The following WWOX variants were observed in gnomAD, a reference collection of about 807,000 sequenced individuals.
The protein encoded by WWOX is WW domain containing oxidoreductase, also known as WW domain-containing oxidoreductase.
A neutral mutation model predicts 46.2 loss-of-function variants in WWOX; 69 were observed. The ratio of observed to expected loss-of-function variants is 1.49; its 90% CI spans 1.23 to 1.82. The LOEUF (loss-of-function observed/expected upper bound fraction) is 1.82. Among genes scored for constraint, WWOX ranks in the 40% most tolerant of loss-of-function variants. The probability of loss-of-function intolerance (pLI) is 0.00; values close to 1 mark genes in which losing one functional copy is unlikely to be tolerated. For missense variants in WWOX, 919 were observed against 542.6 expected, an observed-to-expected ratio of 1.69 and a Z score of -6.89; for synonymous variants, 359 against 202.6, an observed-to-expected ratio of 1.77 and a Z score of -6.56.
Position 78,424,872 on chromosome 16 carries a change from C to G in WWOX, c.608C>G (p.Pro203Arg), listed in dbSNP as rs1405481740. ...FAEAFKAKNV[P>R]LHVLVCNAAT... is the part of the protein sequence containing the mutation. ...ACATGGGATATTTTATTTTTCAGGC[C>G]TCTTCATGTGCTTGTGTGCAACGCA... is the stretch of plus-strand genomic sequence containing the variant. The change falls in exon 7 of 9, where the codon CCT becomes CGT. Residue 203 changes from proline to arginine, a missense_variant and splice_region_variant. Coordinates refer to ENST00000566780, the MANE Select transcript of WWOX (RefSeq NM_016373.4). The G allele has an allele frequency of 6.2e-7, 1 of 1,614,030 alleles. No individual in the cohort carries two copies. Among genetic ancestry groups the G allele is most frequent in the Non-Finnish European group, 8.5e-7 (1 of 1,180,014 alleles).
intron 8 of WWOX, among the ~76,000 whole-genome samples, chr16:78,763,000 G>C (rs1236292442): frequency 6.6e-6 from 1 of 152,178 alleles, no homozygotes; most frequent in Non-Finnish European, 1.5e-5. Context: ...ATGAGCAATA[G>C]ATCTCCATAT....
intron 8 of WWOX, among the ~76,000 whole-genome samples, chr16:79,186,477 C>T (rs1239274614): frequency 6.6e-6 from 1 of 152,232 alleles, no homozygotes; most frequent in African/African-American, 2.4e-5. Flanking sequence ...GTTTCTGGAT[C>T]TCTTCTCCTT....
intron 8 of WWOX, among the ~76,000 whole-genome samples, chr16:78,637,582 TC>T (rs1424520872): frequency 6.6e-6 from 1 of 152,136 alleles, no homozygotes; most frequent in Non-Finnish European, 1.5e-5. Context: ...TTCTACTACA[TC>T]CCCTTTCCTT....
chr16:78,491,656 AAG>A (rs1296928168), intron 8 of WWOX, among the ~76,000 whole-genome samples: 1 of 152,084 alleles, frequency 6.6e-6, no homozygotes, highest in Non-Finnish European at 1.5e-5. Flanking sequence ...TGCAGTATAT[AAG>A]AGGGTGCATT....
intron 7 of WWOX, among the ~76,000 whole-genome samples, chr16:78,428,395 G>T (rs376027096): frequency 2.0e-5 from 3 of 152,224 alleles, no homozygotes; most frequent in Admixed American, 1.3e-4. Flanking sequence ...AGGACTGTCA[G>T]TGCTAGCTAA....
chr16:78,423,351 A>G (rs1047580634), intron 6 of WWOX, among the ~76,000 whole-genome samples: 1 of 152,136 alleles, frequency 6.6e-6, no homozygotes, highest in Non-Finnish European at 1.5e-5. Context: ...ATAGTATTCT[A>G]TCATATGGAT....
intron 5 of WWOX, among the ~76,000 whole-genome samples, chr16:78,274,198 C>T (rs1352316070): frequency 6.6e-6 from 1 of 152,098 alleles, no homozygotes; most frequent in African/African-American, 2.4e-5. Flanking sequence ...TTGCAATGAA[C>T]TCCCCATTTC....
intron 8 of WWOX, among the ~76,000 whole-genome samples, chr16:78,632,215 T>G (rs1245511714): frequency 6.6e-6 from 1 of 152,164 alleles, no homozygotes; most frequent in Non-Finnish European, 1.5e-5. Context: ...TCTGAGCTGT[T>G]TTTATATCTG....
chr16:78,319,880 T>C (rs1023193633), intron 5 of WWOX, among the ~76,000 whole-genome samples: 9 of 152,294 alleles, frequency 5.9e-5, no homozygotes, highest in African/African-American at 2.2e-4. Context: ...CTTTTCTGCC[T>C]GGGAGGCACT....
At chr16:79,027,273 C>A (rs2047664394) in intron 8 of WWOX, among the ~76,000 whole-genome samples, 2 of 84,580 alleles carry the variant, frequency 2.4e-5, no homozygotes, top group South Asian at 9.8e-4. Context: ...GAGAAAGACT[C>A]CATCTCAAAA....
intron 5 of WWOX, among the ~76,000 whole-genome samples, chr16:78,309,987 A>G (rs771311025): frequency 2.0e-5 from 3 of 152,120 alleles, no homozygotes; most frequent in African/African-American, 4.8e-5. Flanking sequence ...CTGGGCATTA[A>G]TACGCATTTA....
chr16:78,882,115 G>A (rs115112098), intron 8 of WWOX, among the ~76,000 whole-genome samples: 2,452 of 152,276 alleles, frequency 0.016, 65 homozygotes, highest in African/African-American at 0.056. Context: ...GACAGAGCAA[G>A]AGTCCATTTA....
intron 8 of WWOX, among the ~76,000 whole-genome samples, chr16:78,547,127 GAAAAAA>G (rs199726097): frequency 2.6e-4 from 23 of 87,502 alleles, no homozygotes; most frequent in African/African-American, 8.2e-4. Context: ...CCTTGTCTCA[GAAAAAA>G]AAAAAAAAAA....
At position 79,139,733 on chromosome 16, in the gene WWOX, A is replaced by G. The variant is rs547495427; in HGVS notation, c.1057-71875A>G. Among the ~76,000 whole-genome samples, 34 of 152,260 alleles carry G rather than the reference A, an allele frequency of 2.2e-4. No individual in the cohort carries two copies. In the Middle Eastern group the frequency reaches 0.014, roughly 61 times the overall value. ...ATGAAAGCTGACTTTCACCAGAATG[A>G]TTTATATGCATCATGGGCAGAGGGG... is the stretch of plus-strand genomic sequence containing the variant. On this transcript the variant is annotated intron_variant, in intron 8 of 8. Coordinates refer to ENST00000566780, the MANE Select transcript of WWOX (RefSeq NM_016373.4).
At chr16:78,344,210 G>A (rs1221959686) in intron 5 of WWOX, among the ~76,000 whole-genome samples, 1 of 120,222 alleles carries the variant, frequency 8.3e-6, no homozygotes, top group South Asian at 2.5e-4. Context: ...GTGAATGGCA[G>A]CGTTTTGACA....
chr16:78,243,124 T>C (rs1313130261), intron 5 of WWOX, among the ~76,000 whole-genome samples: 1 of 152,194 alleles, frequency 6.6e-6, no homozygotes, highest in Non-Finnish European at 1.5e-5. Context: ...TCTTGCATTT[T>C]AAAGTTTGGA....
rs188630606 is a variant in WWOX at position 79,114,600 on chromosome 16, C to T, written c.1057-97008C>T. 6.6e-5 allele frequency among the ~76,000 whole-genome samples: 10 copies of T among 152,064 alleles called. No homozygotes were observed. The South Asian group carries it at 1.5e-3, about 22-fold the overall frequency. On this transcript the variant is annotated intron_variant, in intron 8 of 8. Coordinates refer to ENST00000566780, the MANE Select transcript of WWOX (RefSeq NM_016373.4). ...CCTAGAGCCTTCGGAGGGAGCGCAGCGCCAGAGACACCTTGAATTCAGACT... is the reference window on the plus strand; with the variant it reads ...CCTAGAGCCTTCGGAGGGAGCGCAGTGCCAGAGACACCTTGAATTCAGACT...
intron 5 of WWOX, among the ~76,000 whole-genome samples, chr16:78,233,327 A>G (rs566912804): frequency 9.2e-4 from 140 of 152,172 alleles, no homozygotes; most frequent in Non-Finnish European, 1.6e-3. Flanking sequence ...TGGTAAAAAC[A>G]CTTAACATGA....
intron 8 of WWOX, among the ~76,000 whole-genome samples, chr16:79,030,720 C>T (rs554074571): frequency 1.1e-4 from 16 of 152,258 alleles, no homozygotes; most frequent in African/African-American, 3.6e-4. Context: ...TTCTACCCTC[C>T]GGTTGTTTGT....
Sources: allele counts gnomAD v4.1 joint callset (sites outside exome capture counted in the v4.1 genomes callset), GRCh38; gene constraint gnomAD v4.1.1; transcripts MANE v1.5; gene names NCBI Gene and HGNC (gene_info 2026-07-23, HGNC 2026-07-21).